LOXHD1: variants seen among roughly 807,000 people sequenced by gnomAD.
LOXHD1 encodes lipoxygenase homology domain-containing protein 1.
LOXHD1 carries 205 observed loss-of-function variants against 248.2 expected under a neutral mutation model. The observed-to-expected ratio is 0.83, with a 90% CI of 0.74 to 0.93. The LOEUF (loss-of-function observed/expected upper bound fraction) is 0.93, where lower values mean the gene tolerates loss of function less well. Ranked by LOEUF, LOXHD1 falls within the 40% of genes least tolerant of loss-of-function variation. The pLI, the probability that LOXHD1 is intolerant of heterozygous loss-of-function variation, is 0.00. For synonymous variants in LOXHD1, 1,113 were observed against 1,162.8 expected (o/e 0.96, Z 0.87); for missense variants, 2,930 against 2,971.6 (o/e 0.99, Z 0.33).
chr18:46,644,781 G>A (rs544228518), intron 2 of LOXHD1, among the ~76,000 whole-genome samples: 20 of 152,190 alleles, frequency 1.3e-4, no homozygotes, highest in Admixed American at 5.2e-4. Flanking sequence ...CAGGCTGAAC[G>A]TGAATACATA....
At chr18:46,611,898 A>G (rs1360388173) in intron 5 of LOXHD1, among the ~76,000 whole-genome samples, 2 of 152,170 alleles carry the variant, frequency 1.3e-5, no homozygotes, top group Non-Finnish European at 2.9e-5. Context: ...GTTTGCATAT[A>G]TATGTATCTA....
rs1202922933 is a variant in LOXHD1, at chr18:46,546,889, G to C, written c.3514+6C>G. The C allele has an allele frequency of 1.3e-6, 2 of 1,548,018 alleles. No individual in the cohort carries two copies. Among genetic ancestry groups the C allele is most frequent in the African/African-American group, 1.4e-5 (1 of 72,970 alleles). ...GGAGAAAGAAATCAGCTCTAGTTTA[G>C]AAAACCTTTCTGCTCCAGGGCCAGG... On this transcript the variant is annotated splice_donor_region_variant and intron_variant, in intron 22 of 40. Coordinates refer to ENST00000642948, the MANE Select transcript of LOXHD1 (RefSeq NM_001384474.1).
intron 6 of LOXHD1, 22 bp from the exon 7 acceptor site, chr18:46,604,251 A>G (rs1568212683): frequency 6.4e-7 from 1 of 1,551,554 alleles, no homozygotes; most frequent in Non-Finnish European, 8.7e-7. Flanking sequence ...AAGAGGGGAC[A>G]AGGATGTAGA....
intron 4 of LOXHD1, among the ~76,000 whole-genome samples, chr18:46,627,706 G>C (rs1415474547): frequency 6.6e-6 from 1 of 152,132 alleles, no homozygotes; most frequent in Non-Finnish European, 1.5e-5. Flanking sequence ...CCAGGTGTGT[G>C]AGTGACACTG....
At chr18:46,513,381 T>C (rs1417412885) in intron 34 of LOXHD1, among the ~76,000 whole-genome samples, 1 of 152,102 alleles carries the variant, frequency 6.6e-6, no homozygotes, top group African/African-American at 2.4e-5. Context: ...AACTGTATGG[T>C]AAAAAGAAAA....
At chr18:46,581,826 T>A (rs183848225) in intron 12 of LOXHD1, among the ~76,000 whole-genome samples, 6 of 152,272 alleles carry the variant, frequency 3.9e-5, no homozygotes, top group East Asian at 3.9e-4. Context: ...TCATCACATA[T>A]AAGGGATGCT....
intron 40 of LOXHD1, among the ~76,000 whole-genome samples, chr18:46,483,090 A>G (rs984432677): frequency 6.6e-6 from 1 of 152,170 alleles, no homozygotes; most frequent in African/African-American, 2.4e-5. Context: ...GAAGGCTCTG[A>G]TGAGAGAATG....
At position 46,485,107 on chromosome 18, in the gene LOXHD1, C is replaced by T; in HGVS notation, c.6094G>A (p.Glu2032Lys). 6.5e-7 allele frequency: 1 copy of T among 1,550,328 alleles called. No individual in the cohort carries two copies. The highest frequency in any genetic ancestry group is 8.7e-7 in the Non-Finnish European group (1 of 1,146,632). ...CCCTCCAGGATGAGCCAGACGTTCT[C>T]CCTGGTTTCGCCTCCGTTGCCCGTT... The part of the protein sequence containing the change: ...IETGNGGETR[E>K]NVWLILEGRK... Residue 2032 changes from glutamate to lysine, a missense_variant, in exon 39 of 41, where the codon GAG (glutamate) becomes AAG (lysine). By Grantham distance (56) the Glu-to-Lys change is moderately conservative. Coordinates refer to ENST00000642948, the MANE Select transcript of LOXHD1 (RefSeq NM_001384474.1).
At chr18:46,604,635 G>T (rs999689068) in intron 6 of LOXHD1, among the ~76,000 whole-genome samples, 1 of 152,220 alleles carries the variant, frequency 6.6e-6, no homozygotes, top group Non-Finnish European at 1.5e-5. Flanking sequence ...GAGAAGCAGA[G>T]CCCAGGCAAG....
At position 46,541,874 on chromosome 18, in the gene LOXHD1, G is replaced by A. The variant is rs546217303; in HGVS notation, c.3815C>T (p.Thr1272Met). The A allele has an allele frequency of 1.0e-5, 16 of 1,551,590 alleles. No homozygotes were observed. The highest frequency in any genetic ancestry group is 3.6e-5 in the South Asian group (3 of 84,072). Reference sequence around the variant, plus strand: ...GGCCAGCCAGCGGCCACAGGGAAACGTCATGCACTTCCCAAGAGATGGGGC... The same window carrying A: ...GGCCAGCCAGCGGCCACAGGGAAACATCATGCACTTCCCAAGAGATGGGGC... The part of the protein sequence containing the change: ...VDAPSLGKCM[T>M]FPCGRWLAKN... Residue 1272 changes from threonine to methionine, a missense_variant, in exon 25 of 41, where the codon ACG becomes ATG. Transcript: ENST00000642948.
At chr18:46,572,330 G>A (rs1274667382) in intron 14 of LOXHD1, among the ~76,000 whole-genome samples, 168 bp from the exon 15 acceptor site, 1 of 152,194 alleles carries the variant, frequency 6.6e-6, no homozygotes, top group Non-Finnish European at 1.5e-5. Flanking sequence ...AGTGGGAAAG[G>A]AGGACTTCCC....
chr18:46,608,605 T>C (rs1599046497), intron 6 of LOXHD1, among the ~76,000 whole-genome samples: 1 of 152,248 alleles, frequency 6.6e-6, no homozygotes, highest in Non-Finnish European at 1.5e-5. Flanking sequence ...TTTGCCCAGC[T>C]AAGCAGAAAA....
At chr18:46,643,366 T>C (rs1293692383) in intron 2 of LOXHD1, among the ~76,000 whole-genome samples, 1 of 152,220 alleles carries the variant, frequency 6.6e-6, no homozygotes, top group Non-Finnish European at 1.5e-5. Context: ...CCAGAGTTTC[T>C]ACTCCACCAT....
chr18:46,585,692 T>G (rs1227173529), intron 12 of LOXHD1, among the ~76,000 whole-genome samples: 1 of 152,126 alleles, frequency 6.6e-6, no homozygotes, highest in Non-Finnish European at 1.5e-5. Flanking sequence ...AAGCTGATTC[T>G]AAAATTCATA....
At chr18:46,498,603 C>T (rs1313270437) in intron 37 of LOXHD1, among the ~76,000 whole-genome samples, 1 of 152,188 alleles carries the variant, frequency 6.6e-6, no homozygotes, top group Non-Finnish European at 1.5e-5. Context: ...TGTTCCTCAG[C>T]TTGTCACTGC....
Position 46,563,100 on chromosome 18 carries a change from T to C in LOXHD1, c.2563A>G (p.Lys855Glu), listed in dbSNP as rs2062578192. Residue 855 changes from lysine to glutamate, a missense_variant, in exon 18 of 41, where the codon AAA becomes GAA. Transcript: ENST00000642948. ...TCCTTGGACGCCCGTTCAAAAACTT[T>C]TGAGCGGCTGGAGAGGAAGAGCACT... ...TEVLFLSSRS[K>E]VFERASKDTF... 6.5e-7 allele frequency: 1 copy of C among 1,545,600 alleles called. No individual in the cohort carries two copies. Among genetic ancestry groups the C allele is most frequent in the African/African-American group, 1.4e-5 (1 of 72,962 alleles).
In LOXHD1 at chr18:46,560,401, G is replaced by C. The variant is rs766698872; in HGVS notation, c.2743C>G (p.Arg915Gly). 1.4e-5 allele frequency: 21 copies of C among 1,550,520 alleles called. No homozygotes were observed. The highest frequency in any genetic ancestry group is 4.8e-5 in the South Asian group (4 of 84,104). The change falls in exon 19 of 41, where the codon CGG (arginine) becomes GGG (glycine). Residue 915 changes from arginine to glycine, a missense_variant. By Grantham distance (125) the Arg-to-Gly change is moderately radical (BLOSUM62 -2). Coordinates refer to ENST00000642948, the MANE Select transcript of LOXHD1 (RefSeq NM_001384474.1). ...EVDLTPEEEA[R>G]KKKEKDKLRQ... ...AGCTTGTCCTTCTCCTTCTTCTTCC[G>C]GGCCTCCTCCTCCGGCGTGAGGTCC...
intron 37 of LOXHD1, among the ~76,000 whole-genome samples, chr18:46,496,971 C>G (rs1162675234): frequency 6.6e-6 from 1 of 152,154 alleles, no homozygotes; most frequent in Non-Finnish European, 1.5e-5. Context: ...CCACTGCACT[C>G]CAGCCTGGGC....
chr18:46,498,474 G>C (rs1370259579), intron 37 of LOXHD1, among the ~76,000 whole-genome samples: 5 of 152,188 alleles, frequency 3.3e-5, no homozygotes, highest in Non-Finnish European at 7.3e-5. Context: ...TTCTTTTGGA[G>C]TTCTGGAGCC....
Sources: allele counts gnomAD v4.1 joint callset (sites outside exome capture counted in the v4.1 genomes callset), GRCh38; gene constraint gnomAD v4.1.1; transcripts MANE v1.5; gene names NCBI Gene and HGNC (gene_info 2026-07-23, HGNC 2026-07-21).